LARGE1: variants seen among roughly 807,000 people sequenced by gnomAD.
LARGE1 encodes the protein xylosyl- and glucuronyltransferase LARGE1.
In LARGE1, 43 loss-of-function variants were observed where a neutral mutation model predicts 87.6. That is an observed-to-expected ratio of 0.49 (90% CI 0.38 to 0.63). LARGE1 has a LOEUF of 0.63. Ranked by LOEUF, LARGE1 falls within the 30% of genes least tolerant of loss-of-function variation. LARGE1 has a pLI of 0.00. For missense variants in LARGE1, 802 were observed against 1,000.2 expected, an observed-to-expected ratio of 0.80 and a Z score of 2.67; for synonymous variants, 434 against 394.6, an observed-to-expected ratio of 1.10 and a Z score of -1.18.
intron 7 of LARGE1, among the ~76,000 whole-genome samples, chr22:33,410,490 T>A (rs1302493166): frequency 6.6e-6 from 1 of 151,916 alleles, no homozygotes; most frequent in Non-Finnish European, 1.5e-5. Flanking sequence ...GATCTGATGG[T>A]TTTATAAGGG....
chr22:33,461,744 C>T (rs1462791879), intron 6 of LARGE1, among the ~76,000 whole-genome samples: 1 of 150,882 alleles, frequency 6.6e-6, no homozygotes, highest in South Asian at 2.1e-4. Context: ...CACAGGCACA[C>T]ACACTCTCTC....
chr22:33,865,498 T>G (rs2064065056), intron 1 of LARGE1, among the ~76,000 whole-genome samples: 1 of 152,172 alleles, frequency 6.6e-6, no homozygotes. Flanking sequence ...AGCCTGCATA[T>G]AGGTTGACCC....
At position 33,591,094 on chromosome 22, in the gene LARGE1, G is replaced by A. The variant is rs190514305; in HGVS notation, c.615+13341C>T. ...TGGGTGCCTGTAATTCCAGCTATTC[G>A]GGAGGCTGAGGCAGAAGAATCGCTT... is the stretch of plus-strand genomic sequence containing the variant. On this transcript the variant is annotated intron_variant, in intron 5 of 14. Coordinates refer to ENST00000397394, the MANE Select transcript of LARGE1 (RefSeq NM_133642.5). Among the ~76,000 whole-genome samples the A allele has an allele frequency of 1.7e-3, 258 of 152,306 alleles. 1 individual carries two copies. The highest frequency in any genetic ancestry group is 5.6e-3 in the African/African-American group (234 of 41,576).
At chr22:33,241,197 A>AC (rs2145686355) in intron 11 of LARGE1, among the ~76,000 whole-genome samples, 1 of 150,472 alleles carries the variant, frequency 6.6e-6, no homozygotes, top group South Asian at 2.1e-4. Context: ...AGCTACTGTT[A>AC]GTTTCTTGAA....
intron 2 of LARGE1, among the ~76,000 whole-genome samples, chr22:33,703,108 G>A (rs539516891): frequency 3.0e-4 from 45 of 152,120 alleles, no homozygotes; most frequent in African/African-American, 8.7e-4. Context: ...ACCAAACATC[G>A]CATGTTCTCA....
At chr22:33,303,696 A>G (rs1934467467) in intron 12 of LARGE1, among the ~76,000 whole-genome samples, 3 of 151,974 alleles carry the variant, frequency 2.0e-5, no homozygotes, top group African/African-American at 7.3e-5. Context: ...ATCTCGGCTC[A>G]CTGCAACCTC....
chr22:33,149,078 C>T, the LARGE1 span, among the ~76,000 whole-genome samples: 2 of 147,164 alleles, frequency 1.4e-5, no homozygotes, highest in African/African-American at 5.0e-5. Flanking sequence ...CGCTCTGTTG[C>T]CCAGGCTGCA....
At chr22:33,421,767 C>T (rs1601781902) in intron 7 of LARGE1, among the ~76,000 whole-genome samples, 1 of 152,292 alleles carries the variant, frequency 6.6e-6, no homozygotes, top group East Asian at 1.9e-4. Flanking sequence ...CCTGAGGAAA[C>T]CAGGGTGCCA....
At chr22:33,609,035 G>A (rs1229847490) in intron 4 of LARGE1, among the ~76,000 whole-genome samples, 6 of 152,062 alleles carry the variant, frequency 3.9e-5, no homozygotes, top group Admixed American at 1.3e-4. Context: ...TTTGCATCGC[G>A]TTTTTGATGA....
At chr22:33,726,346 T>C (rs998427109) in intron 2 of LARGE1, 5 of 152,218 alleles carry the variant, frequency 3.3e-5, no homozygotes, top group African/African-American at 1.2e-4. Context: ...GCCCTGGGCC[T>C]TCCCCTCCTG....
chr22:33,787,703 C>G (rs1473163774), intron 1 of LARGE1, among the ~76,000 whole-genome samples: 2 of 152,184 alleles, frequency 1.3e-5, no homozygotes, highest in African/African-American at 2.4e-5. Flanking sequence ...AAGTTACCCC[C>G]TCCCTTGACA....
At chr22:33,084,495 G>GAA in the LARGE1 span, among the ~76,000 whole-genome samples, 1 of 135,810 alleles carries the variant, frequency 7.4e-6, no homozygotes, top group Non-Finnish European at 1.6e-5. Flanking sequence ...CTTGTCTCTC[G>GAA]AAAAAAAAAA....
intron 1 of LARGE1, among the ~76,000 whole-genome samples, chr22:33,913,219 T>C (rs2065688265): frequency 6.6e-6 from 1 of 152,238 alleles, no homozygotes; most frequent in Admixed American, 6.5e-5. Context: ...TCTGCAATTA[T>C]AAAAACTCAG....
At chr22:33,533,277 TGACAA>T in intron 6 of LARGE1, among the ~76,000 whole-genome samples, 1 of 152,330 alleles carries the variant, frequency 6.6e-6, no homozygotes, top group East Asian at 1.9e-4. Flanking sequence ...AATAGCTGCC[TGACAA>T]TTTTATTAAC....
intron 1 of LARGE1, among the ~76,000 whole-genome samples, chr22:33,833,667 T>C (rs2063034840): frequency 6.6e-6 from 1 of 152,152 alleles, no homozygotes; most frequent in Non-Finnish European, 1.5e-5. Flanking sequence ...TGCACAATTA[T>C]TGTCATTTTT....
chr22:33,524,759 A>G (rs1219391789), intron 6 of LARGE1, among the ~76,000 whole-genome samples: 2 of 152,056 alleles, frequency 1.3e-5, no homozygotes, highest in Non-Finnish European at 2.9e-5. Context: ...CTAAAAAAAA[A>G]AAAAAAGCAA....
intron 6 of LARGE1, among the ~76,000 whole-genome samples, chr22:33,537,005 T>A (rs1282409195): frequency 6.6e-6 from 1 of 152,198 alleles, no homozygotes; most frequent in African/African-American, 2.4e-5. Context: ...GAGATGGGGT[T>A]TCACCATGCT....
At chr22:33,090,799 C>A in the LARGE1 span, among the ~76,000 whole-genome samples, 1 of 152,122 alleles carries the variant, frequency 6.6e-6, no homozygotes, top group Non-Finnish European at 1.5e-5. Context: ...CTGTCAGAGG[C>A]CTTTAAGGAA....
chr22:33,249,821 C>A (rs1417065347), intron 11 of LARGE1, among the ~76,000 whole-genome samples: 1 of 152,190 alleles, frequency 6.6e-6, no homozygotes. Flanking sequence ...ATTGTACTTG[C>A]TCCTTTGTCA....
Sources: gnomAD v4.1 joint callset for allele counts (sites outside exome capture counted in the v4.1 genomes callset) on GRCh38, gnomAD v4.1.1 for gene constraint, MANE v1.5 for transcripts, NCBI Gene and HGNC (gene_info 2026-07-23, HGNC 2026-07-21) for gene names.